The following KIF13A variants were observed in gnomAD, a reference collection of about 807,000 sequenced individuals.
The protein encoded by KIF13A is kinesin-like protein KIF13A.
In KIF13A, 79 loss-of-function variants were observed where a neutral mutation model predicts 212.2. The ratio of observed to expected loss-of-function variants is 0.37; its 90% CI spans 0.31 to 0.45. The LOEUF (loss-of-function observed/expected upper bound fraction) is 0.45. Ranked by LOEUF, KIF13A falls within the 20% of genes least tolerant of loss-of-function variation. KIF13A has a pLI of 1.00. For synonymous variants in KIF13A, 789 were observed against 808.6 expected, an observed-to-expected ratio of 0.98 and a Z score of 0.41; for missense variants, 1,901 against 2,209.0, an observed-to-expected ratio of 0.86 and a Z score of 2.79.
Position 17,898,144 on chromosome 6 carries a change from G to A in KIF13A, c.159+24C>T, listed in dbSNP as rs1328991238. ...TTTTGCACACTAAGCCAGTATACAT[G>A]CCAAATTTCATATTAGTGCTTACCT... On this transcript the variant is annotated intron_variant, in intron 3 of 38. Transcript: ENST00000259711. This position sits in a 1 kb window ranked among gnomAD's most constrained non-coding sequence, Gnocchi z 5.2. The A allele has an allele frequency of 6.2e-7, 1 of 1,610,910 alleles. No homozygotes were observed. Among genetic ancestry groups the A allele is most frequent in the Non-Finnish European group, 8.5e-7 (1 of 1,178,030 alleles).
intron 2 of KIF13A, among the ~76,000 whole-genome samples, chr6:17,937,655 A>G (rs143223315): frequency 1.3e-5 from 2 of 152,318 alleles, no homozygotes; most frequent in African/African-American, 2.4e-5. Flanking sequence ...CTATTCATCC[A>G]ACTATTATTG....
intron 16 of KIF13A, among the ~76,000 whole-genome samples, chr6:17,823,478 CT>C (rs1238413186): frequency 7.8e-6 from 1 of 127,968 alleles, no homozygotes; most frequent in Non-Finnish European, 1.6e-5. Flanking sequence ...TCTTTCCTTT[CT>C]TTTTTTGAAA....
rs1365051513 is a variant in KIF13A at position 17,843,009 on chromosome 6, C to A, written c.831-5426G>T. ...TCAAATATTATTTTACTTATTAGTC[C>A]AATAATCAGTTCTAAGATCATATAT... On this transcript the variant is annotated intron_variant, in intron 9 of 38. Transcript: ENST00000259711. This position sits in a 1 kb window ranked among gnomAD's most constrained non-coding sequence, Gnocchi z 5.3. 6.6e-6 allele frequency among the ~76,000 whole-genome samples: 1 copy of A among 151,918 alleles called. No homozygotes were observed. The highest frequency in any genetic ancestry group is 1.5e-5 in the Non-Finnish European group (1 of 67,990).
At chr6:17,923,047 G>A (rs991540368) in intron 2 of KIF13A, among the ~76,000 whole-genome samples, 1 of 151,948 alleles carries the variant, frequency 6.6e-6, no homozygotes, top group Non-Finnish European at 1.5e-5. Flanking sequence ...TGAGGCAGGT[G>A]GATCACTTGA....
At chr6:17,858,573 T>C (rs905099417) in intron 4 of KIF13A, among the ~76,000 whole-genome samples, 28 of 152,178 alleles carry the variant, frequency 1.8e-4, no homozygotes, top group African/African-American at 6.5e-4. Flanking sequence ...CCACGTATGT[T>C]CCCAAGCCCC....
chr6:17,827,975 C>T (rs543722751), intron 14 of KIF13A, among the ~76,000 whole-genome samples: 1 of 152,310 alleles, frequency 6.6e-6, no homozygotes, highest in Admixed American at 6.5e-5. Flanking sequence ...ATAAGTTACT[C>T]TTTTCACTTA....
chr6:17,821,022 C>A (rs1262703837), intron 16 of KIF13A, among the ~76,000 whole-genome samples: 2 of 152,096 alleles, frequency 1.3e-5, no homozygotes, highest in African/African-American at 4.8e-5. Context: ...CTTAATTGTT[C>A]TTTATTTTTA....
Position 17,934,505 on chromosome 6 carries a change from G to T in KIF13A, c.147-36325C>A, listed in dbSNP as rs1394995244. On this transcript the variant is annotated intron_variant, in intron 2 of 38. Coordinates refer to ENST00000259711, the MANE Select transcript of KIF13A (RefSeq NM_022113.6). The surrounding 1 kb of genome is among the most constrained non-coding windows in gnomAD (Gnocchi z 5.4). ...AATATCATAATAAAAAGACGCCGAA[G>T]GCCAGGCACCGTGGGTCATGCCTGT... 6.6e-6 allele frequency among the ~76,000 whole-genome samples: 1 copy of T among 152,172 alleles called. No homozygotes were observed. The highest frequency in any genetic ancestry group is 1.9e-4 in the East Asian group (1 of 5,194).
At position 17,940,840 on chromosome 6, in the gene KIF13A, T is replaced by G. The variant is rs1202823847; in HGVS notation, c.147-42660A>C. On this transcript the variant is annotated intron_variant, in intron 2 of 38. Transcript: ENST00000259711. ...TTATTTTTTTTTTTTTTTTTTTTTT[T>G]TTTGAGACAGAATTTGGCTCTGTTG... Among the ~76,000 whole-genome samples, 4 of 151,704 alleles carry G rather than the reference T, an allele frequency of 2.6e-5. No homozygotes were observed. The East Asian group carries it at 7.7e-4, about 29-fold the overall frequency.
At position 17,947,467 on chromosome 6, in the gene KIF13A, C is replaced by T. The variant is rs527735532; in HGVS notation, c.146+39587G>A. Among the ~76,000 whole-genome samples the T allele has an allele frequency of 3.0e-3, 458 of 152,188 alleles. 1 individual carries two copies. The Middle Eastern group carries it at 0.034, about 11-fold the overall frequency. On this transcript the variant is annotated intron_variant, in intron 2 of 38. Transcript: ENST00000259711. This position sits in a 1 kb window ranked among gnomAD's most constrained non-coding sequence, Gnocchi z 4.6. ...GCTAGCTACTTTTCCTTTCAGCTTC[C>T]TTCTTAACTTCAAAAGTTCAAAACT...
chr6:17,813,914 CATGGTATAA>C (rs1339347877), intron 17 of KIF13A, among the ~76,000 whole-genome samples: 1 of 147,672 alleles, frequency 6.8e-6, no homozygotes, highest in Non-Finnish European at 1.5e-5. Flanking sequence ...GTACCTGGTA[CATGGTATAA>C]ATGGTCTATA....
intron 17 of KIF13A, among the ~76,000 whole-genome samples, chr6:17,813,085 G>A (rs939371281): frequency 2.0e-5 from 3 of 152,170 alleles, no homozygotes; most frequent in Non-Finnish European, 2.9e-5. Flanking sequence ...GTTGCTTGGC[G>A]TGAAGCCACC....
chr6:17,964,138 C>A (rs997235531), intron 2 of KIF13A, among the ~76,000 whole-genome samples: 2 of 152,174 alleles, frequency 1.3e-5, no homozygotes, highest in Non-Finnish European at 2.9e-5. Flanking sequence ...CACCCACACA[C>A]ACCCACACCT....
Position 17,871,046 on chromosome 6 carries a change from C to T in KIF13A, c.220+2331G>A, listed in dbSNP as rs1036753317. 6.6e-6 allele frequency among the ~76,000 whole-genome samples: 1 copy of T among 152,194 alleles called. No individual in the cohort carries two copies. Among genetic ancestry groups the T allele is most frequent in the African/African-American group, 2.4e-5 (1 of 41,450 alleles). Reference sequence around the variant, plus strand: ...TCCTGAAATTCAAACACAGGTCTCACGTCAAAATCCATGTGCTCTCCTTGA... The same window carrying T: ...TCCTGAAATTCAAACACAGGTCTCATGTCAAAATCCATGTGCTCTCCTTGA... On this transcript the variant is annotated intron_variant, in intron 4 of 38. Coordinates refer to ENST00000259711, the MANE Select transcript of KIF13A (RefSeq NM_022113.6). This position sits in a 1 kb window ranked among gnomAD's most constrained non-coding sequence, Gnocchi z 4.4.
At chr6:17,970,530 A>G (rs1007404662) in intron 2 of KIF13A, among the ~76,000 whole-genome samples, 3 of 152,166 alleles carry the variant, frequency 2.0e-5, no homozygotes, top group Non-Finnish European at 4.4e-5. Flanking sequence ...GATCGCTTAC[A>G]TGCTTCCAGC....
chr6:17,878,972 T>TA (rs1452289108), intron 3 of KIF13A, among the ~76,000 whole-genome samples: 1 of 152,228 alleles, frequency 6.6e-6, no homozygotes, highest in Non-Finnish European at 1.5e-5. Context: ...AGAATGGTGA[T>TA]ACCTCAAACC....
At chr6:17,836,857 G>C in intron 11 of KIF13A, 21 bp downstream of exon 11, 2 of 1,608,444 alleles carry the variant, frequency 1.2e-6, no homozygotes, top group Non-Finnish European at 1.7e-6. Context: ...TTACCAGCAG[G>C]GAGTACCAGG....
intron 3 of KIF13A, among the ~76,000 whole-genome samples, chr6:17,875,946 T>C (rs1770515818): frequency 6.6e-6 from 1 of 152,166 alleles, no homozygotes; most frequent in Non-Finnish European, 1.5e-5. Flanking sequence ...AAATTCTCAA[T>C]ATTAAAGGCT....
rs778456306 is a variant in KIF13A at position 17,984,785 on chromosome 6, T to C, written c.146+2269A>G. On this transcript the variant is annotated intron_variant, in intron 2 of 38. Coordinates refer to ENST00000259711, the MANE Select transcript of KIF13A (RefSeq NM_022113.6). The surrounding 1 kb of genome is among the most constrained non-coding windows in gnomAD (Gnocchi z 5.0). ...TAAAGACCTCTTACACTTCAAACCT[T>C]GGACTTGCAGATATGAAAAATAATA... 2.6e-5 allele frequency among the ~76,000 whole-genome samples: 4 copies of C among 152,194 alleles called. No homozygotes were observed. Among genetic ancestry groups the C allele is most frequent in the Non-Finnish European group, 4.4e-5 (3 of 68,032 alleles).
Sources: allele counts gnomAD v4.1 joint callset (sites outside exome capture counted in the v4.1 genomes callset), GRCh38; gene constraint gnomAD v4.1.1; non-coding constraint Gnocchi (gnomAD v3.1); transcripts MANE v1.5; gene names NCBI Gene and HGNC (gene_info 2026-07-23, HGNC 2026-07-21).